KIF24: variants seen among roughly 807,000 people sequenced by gnomAD.
The protein encoded by KIF24 is kinesin-like protein KIF24.
A neutral mutation model predicts 118.9 loss-of-function variants in KIF24; 81 were observed. That is an observed-to-expected ratio of 0.68 (90% confidence interval 0.57 to 0.82). The LOEUF is 0.82. KIF24 is among the 40% of genes least tolerant of loss of function. KIF24 has a pLI of 0.00. For missense variants in KIF24, 1,560 were observed against 1,661.6 expected, an observed-to-expected ratio of 0.94 and a Z score of 1.06; for synonymous variants, 599 against 610.0, an observed-to-expected ratio of 0.98 and a Z score of 0.27.
At chr9:34,311,693 T>G (rs79068100) in intron 1 of KIF24, among the ~76,000 whole-genome samples, 1 of 134,406 alleles carries the variant, frequency 7.4e-6, no homozygotes, top group South Asian at 2.4e-4. Flanking sequence ...TATATACGTA[T>G]ATATGTACAT....
chr9:34,329,608 C>T (rs1563970277), upstream of KIF24: 1 of 152,246 alleles, frequency 6.6e-6, no homozygotes, highest in African/African-American at 2.4e-5. Context: ...GGGTGAGTAC[C>T]CTTAAGGGCC....
chr9:34,326,213 A>AT (rs748359018), intron 1 of KIF24, among the ~76,000 whole-genome samples: 1 of 152,086 alleles, frequency 6.6e-6, no homozygotes, highest in African/African-American at 2.4e-5. Flanking sequence ...TTAGCTGGGC[A>AT]TGGTGGTACA....
chr9:34,330,936 G>A (rs553075889), upstream of KIF24, among the ~76,000 whole-genome samples: 25 of 152,164 alleles, frequency 1.6e-4, no homozygotes, highest in African/African-American at 6.0e-4. Flanking sequence ...ACTCCAGCCT[G>A]GGCGACAGAG....
In KIF24 at chr9:34,254,492, T is replaced by C. The variant is rs1411356321; in HGVS notation, c.3995A>G (p.Asp1332Gly). 2.5e-6 allele frequency: 4 copies of C among 1,613,628 alleles called. No homozygotes were observed. Among genetic ancestry groups the C allele is most frequent in the Non-Finnish European group, 3.4e-6 (4 of 1,179,828 alleles). Reference protein sequence around the residue: ...NDFEDFVTQLDEIMVLKSKCI... With the variant: ...NDFEDFVTQLGEIMVLKSKCI... ...CTTGGATTTCAGAACCATGATTTCA[T>C]CCAGCTGGGTCACAAAATCTTCAAA... is the stretch of plus-strand genomic sequence containing the variant. Residue 1332 changes from aspartate to glycine, a missense_variant, in exon 13 of 13, where the codon GAT (aspartate) becomes GGT (glycine). Physicochemically the swap from Asp to Gly is moderately conservative, Grantham distance 94 (BLOSUM62 -1). Transcript: ENST00000402558.
At chr9:34,259,226 C>T (rs1003553027) in intron 10 of KIF24, among the ~76,000 whole-genome samples, 1 of 152,218 alleles carries the variant, frequency 6.6e-6, no homozygotes, top group African/African-American at 2.4e-5. Flanking sequence ...AATATGTCTT[C>T]TATCTCTTAC....
intron 1 of KIF24, among the ~76,000 whole-genome samples, chr9:34,317,823 C>G (rs1425188181): frequency 2.6e-5 from 4 of 152,120 alleles, no homozygotes; most frequent in Non-Finnish European, 5.9e-5. Context: ...CAAAGAGAAG[C>G]CATAGTGCTT....
In KIF24 at chr9:34,255,423, T is replaced by C. The variant is rs1168668673; in HGVS notation, c.3873-258A>G. Among the ~76,000 whole-genome samples, 3 of 152,058 alleles carry C rather than the reference T, an allele frequency of 2.0e-5. No individual in the cohort carries two copies. In the East Asian group the frequency reaches 5.8e-4, roughly 29 times the overall value. ...TTGTCTCCTGCCTCCCCAGCTGTAC[T>C]GAGGGGGCAGGGCTGGGTGCTGCTG... On this transcript the variant is annotated intron_variant, in intron 11 of 12. Transcript: ENST00000402558.
intron 8 of KIF24, among the ~76,000 whole-genome samples, chr9:34,265,357 CAG>C (rs1190879443): frequency 6.6e-6 from 1 of 152,070 alleles, no homozygotes; most frequent in African/African-American, 2.4e-5. Context: ...TTTGTAAAGA[CAG>C]GGGTCTCCCT....
chr9:34,302,137 G>A (rs1348599529), intron 3 of KIF24, among the ~76,000 whole-genome samples: 1 of 151,128 alleles, frequency 6.6e-6, no homozygotes, highest in Non-Finnish European at 1.5e-5. Flanking sequence ...TGGGACTACA[G>A]GCGCCTGCCA....
At chr9:34,259,783 G>T in intron 9 of KIF24, 78 bp from the exon 10 acceptor site, 1 of 893,196 alleles carries the variant, frequency 1.1e-6, no homozygotes. Context: ...GGTGCAGGAT[G>T]CTGGGCCATA....
chr9:34,310,436 C>T (rs978224697), intron 2 of KIF24, among the ~76,000 whole-genome samples: 10 of 151,982 alleles, frequency 6.6e-5, no homozygotes, highest in East Asian at 1.9e-4. Flanking sequence ...TATCATGTTA[C>T]GCTATAATAA....
chr9:34,326,632 T>C (rs1433557400), intron 1 of KIF24, among the ~76,000 whole-genome samples: 3 of 151,536 alleles, frequency 2.0e-5, no homozygotes, highest in African/African-American at 7.3e-5. Flanking sequence ...AGCCCAAAGG[T>C]GGAAATGAGC....
chr9:34,294,247 C>T (rs559427518), intron 4 of KIF24, among the ~76,000 whole-genome samples: 1 of 152,176 alleles, frequency 6.6e-6, no homozygotes, highest in Non-Finnish European at 1.5e-5. Flanking sequence ...ACCACTGTGC[C>T]CGACTGACAC....
intron 1 of KIF24, among the ~76,000 whole-genome samples, chr9:34,321,755 T>C (rs571033255): frequency 4.6e-5 from 7 of 152,060 alleles, no homozygotes; most frequent in African/African-American, 1.7e-4. Flanking sequence ...TACAGGTGCA[T>C]GCCACCAAAC....
At chr9:34,312,211 C>T (rs541678376) in intron 1 of KIF24, among the ~76,000 whole-genome samples, 11 of 152,272 alleles carry the variant, frequency 7.2e-5, no homozygotes, top group Non-Finnish European at 8.8e-5. Context: ...TCATCGATCT[C>T]TACCTGTACA....
Position 34,297,111 on chromosome 9 carries a change from C to T in KIF24, c.817G>A (p.Val273Ile), listed in dbSNP as rs1435318351. Residue 273 changes from valine to isoleucine, a missense_variant, in exon 4 of 13, where the codon GTT (valine) becomes ATT (isoleucine). Around this residue, in one of 3 missense-constraint regions of KIF24, gnomAD observed 964 missense variants for 988.0 expected, o/e 0.98. Coordinates refer to ENST00000402558, the MANE Select transcript of KIF24 (RefSeq NM_194313.4). ...VDLTQYILQH[V>I]FYFDEVFGEA... ...CCAAAGACTTCATCAAAATAAAAAA[C>T]ATGCTGAAAAATAAATTTGATTTTA... 3.2e-6 allele frequency: 5 copies of T among 1,545,944 alleles called. No individual in the cohort carries two copies. The highest frequency in any genetic ancestry group is 4.4e-6 in the Non-Finnish European group (5 of 1,134,050).
chr9:34,273,159 G>T (rs148867693), intron 6 of KIF24, among the ~76,000 whole-genome samples: 11 of 151,710 alleles, frequency 7.3e-5, no homozygotes, highest in Non-Finnish European at 8.8e-5. Flanking sequence ...AAAGAAAAGG[G>T]GGTAGCAGTG....
chr9:34,295,848 T>C (rs1026503636), intron 4 of KIF24, among the ~76,000 whole-genome samples: 3 of 151,954 alleles, frequency 2.0e-5, no homozygotes, highest in Admixed American at 1.3e-4. Context: ...CATGCCTATA[T>C]TTTAAATACT....
intron 3 of KIF24, among the ~76,000 whole-genome samples, chr9:34,300,530 G>A (rs1333242482): frequency 6.6e-6 from 1 of 151,854 alleles, no homozygotes; most frequent in Non-Finnish European, 1.5e-5. Context: ...ACCATGCCCA[G>A]CTAATTTTTT....
Sources: gnomAD v4.1 joint callset for allele counts (sites outside exome capture counted in the v4.1 genomes callset) on GRCh38, gnomAD v4.1.1 for gene constraint, gnomAD v4.1.1 regional missense constraint, MANE v1.5 for transcripts, NCBI Gene and HGNC (gene_info 2026-07-23, HGNC 2026-07-21) for gene names.